TMC4: variants seen among roughly 807,000 people sequenced by gnomAD.
TMC4 encodes voltage-gated chloride channel TMC4.
Under a neutral mutation model 82.0 loss-of-function variants are expected in TMC4, and 70 were observed. The observed-to-expected ratio is 0.85, with a 90% CI of 0.70 to 1.04. The LOEUF (loss-of-function observed/expected upper bound fraction) is 1.04, where lower values mean the gene tolerates loss of function less well. TMC4 is among the 50% of genes least tolerant of loss of function. TMC4 has a pLI of 0.00. For synonymous variants in TMC4, 446 were observed against 406.0 expected (o/e 1.10, Z -1.18); for missense variants, 879 against 899.0 (o/e 0.98, Z 0.28).
chr19:54,169,492 C>A lies in TMC4; in HGVS notation c.442+20G>T. 1.2e-6 allele frequency: 2 copies of A among 1,605,430 alleles called. No individual in the cohort carries two copies. Among genetic ancestry groups the A allele is most frequent in the Non-Finnish European group, 1.7e-6 (2 of 1,177,034 alleles). Reference sequence around the variant, plus strand: ...GAGTCCAGGCCCTGCCCCCAGGACACCACCCAAACCCCACCGCACCCCCGA... The same window carrying A: ...GAGTCCAGGCCCTGCCCCCAGGACAACACCCAAACCCCACCGCACCCCCGA... On this transcript the variant is annotated intron_variant, in intron 3 of 14. Transcript: ENST00000619895.
At position 54,160,994 on chromosome 19, in the gene TMC4, C is replaced by T. The variant is rs2075532710; in HGVS notation, c.1857G>A (p.Gln619=). 1 of 1,614,066 alleles carries T rather than the reference C, an allele frequency of 6.2e-7. No individual in the cohort carries two copies. Among genetic ancestry groups the T allele is most frequent in the Non-Finnish European group, 8.5e-7 (1 of 1,180,038 alleles). Residue 619 remains glutamine (Q), a synonymous_variant, in exon 13 of 15, where the codon CAG becomes CAA. Coordinates refer to ENST00000619895, the MANE Select transcript of TMC4 (RefSeq NM_144686.4). ...CAGGGATCTGGGCCCAGATGGACGA[C>T]TGCCCCCGGAATGGACCACACAGCT... The part of the protein sequence containing the change: ...PSKLCGPFRG[Q]SSIWAQIPES...
Position 54,160,228 on chromosome 19 carries a change from G to C in TMC4, c.*78C>G. ...CTGGAAGGGCGTGGAGTCTTCTCCA[G>C]TTCTCCTAGTTTACAGATGTTGTGA... On this transcript the variant is annotated 3_prime_UTR_variant, in exon 15 of 15. Coordinates refer to ENST00000619895, the MANE Select transcript of TMC4 (RefSeq NM_144686.4). 1 of 1,433,080 alleles carries C rather than the reference G, an allele frequency of 7.0e-7. No homozygotes were observed. Among genetic ancestry groups the C allele is most frequent in the Non-Finnish European group, 9.3e-7 (1 of 1,074,760 alleles). 88.8% of individuals were successfully genotyped at this position (1,433,080 alleles called of 1,614,324 possible).
chr19:54,170,333 C>CA (rs11365348), intron 2 of TMC4, among the ~76,000 whole-genome samples: 2,773 of 117,462 alleles, frequency 0.024, 77 homozygotes, highest in African/African-American at 0.074. Flanking sequence ...AAGACTCTGT[C>CA]AAAAAAAAAA....
At chr19:54,170,728 G>C (rs974093224) in intron 2 of TMC4, among the ~76,000 whole-genome samples, 3 of 151,916 alleles carry the variant, frequency 2.0e-5, no homozygotes, top group Admixed American at 1.3e-4. Context: ...AAACTTCCAG[G>C]CTCAAGCAAT....
At chr19:54,171,114 C>A (rs1023847348) in intron 2 of TMC4, among the ~76,000 whole-genome samples, 1 of 25,532 alleles carries the variant, frequency 3.9e-5, no homozygotes, top group Non-Finnish European at 7.5e-5. Context: ...CATATATATA[C>A]GCATATATAT....
chr19:54,171,339 C>T (rs1600596395), intron 2 of TMC4, among the ~76,000 whole-genome samples: 1 of 152,096 alleles, frequency 6.6e-6, no homozygotes. Context: ...GAACTCCTGA[C>T]CACAGGTGAT....
Position 54,168,631 on chromosome 19 carries a change from C to T in TMC4, c.492G>A (p.Leu164=). 6.3e-7 allele frequency: 1 copy of T among 1,590,334 alleles called. No individual in the cohort carries two copies. Among genetic ancestry groups the T allele is most frequent in the Non-Finnish European group, 8.6e-7 (1 of 1,168,628 alleles). ...CAGAGGCCAGCACGTTAAGAAGGAG[C>T]AGGAAGCGCAGCAGGGAGAAGTAGG... ...TESYFSLLRF[L]LLLNVLASVL... Residue 164 remains leucine (L), a synonymous_variant, in exon 4 of 15, where the codon CTG becomes CTA. Coordinates refer to ENST00000619895, the MANE Select transcript of TMC4 (RefSeq NM_144686.4).
rs201023364 is a variant in TMC4, at chr19:54,168,967, C to CT, written c.443-288dup. Among the ~76,000 whole-genome samples, 6 of 8,692 alleles carry CT rather than the reference C, an allele frequency of 6.9e-4. 2 individuals carry two copies. The highest frequency in any genetic ancestry group is 1.2e-3 in the Non-Finnish European group (6 of 5,116). The allele number at this position is 8,692 out of a possible 152,430, so 5.7% of individuals were successfully genotyped here. On this transcript the variant is annotated intron_variant, in intron 3 of 14. Transcript: ENST00000619895. ...TCCTTCCTTCCTTCCTTCCTTCCTT[C>CT]TTCTTTCTCTCTCTCTCTCTCTCTC...
chr19:54,166,619 CCT>C (rs1419811909), intron 5 of TMC4, among the ~76,000 whole-genome samples: 4 of 152,242 alleles, frequency 2.6e-5, no homozygotes, highest in South Asian at 4.1e-4. Flanking sequence ...ACCGTATTCC[CCT>C]GTTTAAGACC....
At chr19:54,164,793 C>G (rs2075660197) in intron 6 of TMC4, 192 bp from the exon 7 acceptor site, 1 of 715,278 alleles carries the variant, frequency 1.4e-6, no homozygotes, top group Non-Finnish European at 2.2e-6. Context: ...CCCGCCCCTT[C>G]GCGGCCGGAT....
At chr19:54,170,787 G>A (rs1245139569) in intron 2 of TMC4, among the ~76,000 whole-genome samples, 1 of 151,812 alleles carries the variant, frequency 6.6e-6, no homozygotes, top group Non-Finnish European at 1.5e-5. Context: ...TATGGGCCAC[G>A]ACACCCAGCC....
chr19:54,161,131 G>A lies in TMC4; in HGVS notation c.1816C>T (p.Leu606=). The A allele has an allele frequency of 6.3e-7, 1 of 1,585,264 alleles. No individual in the cohort carries two copies. Among genetic ancestry groups the A allele is most frequent in the Non-Finnish European group, 8.6e-7 (1 of 1,167,246 alleles). The change falls in exon 12 of 15, where the codon CTG becomes TTG. Residue 606 remains leucine (L), a splice_region_variant and synonymous_variant. Coordinates refer to ENST00000619895, the MANE Select transcript of TMC4 (RefSeq NM_144686.4). ...SSVPLLYSIF[L]IPPSKLCGPF... ...GAGGCGGGAGCCTCTCGCACTTACA[G>A]GAAGATGCTGTAAAGCAGGGGAACG...
intron 8 of TMC4, 189 bp downstream of exon 8, chr19:54,163,535 T>C (rs1336269677): frequency 1.7e-5 from 12 of 698,836 alleles, no homozygotes. Flanking sequence ...CTCGAACTCC[T>C]GACCTCAGCC....
intron 2 of TMC4, among the ~76,000 whole-genome samples, chr19:54,171,072 CATATATAT>C (rs2075872236): frequency 2.0e-5 from 1 of 50,220 alleles, no homozygotes; most frequent in African/African-American, 8.9e-5. Flanking sequence ...CATATATATA[CATATATAT>C]GTGTATATAT....
chr19:54,172,594 GAAA>G, intron 1 of TMC4: 4 of 302,296 alleles, frequency 1.3e-5, no homozygotes, highest in African/African-American at 2.2e-5. Context: ...CTCAGACCAG[GAAA>G]CCAGGTTCCC....
At chr19:54,160,426 C>T in intron 14 of TMC4, 41 bp downstream of exon 14, 2 of 1,602,918 alleles carry the variant, frequency 1.2e-6, no homozygotes, top group East Asian at 2.2e-5. Context: ...AACCCCTTTC[C>T]ATGTTCCCCA....
chr19:54,161,385 G>A (rs1421246243), intron 11 of TMC4, 125 bp from the exon 12 acceptor site: 2 of 1,129,280 alleles, frequency 1.8e-6, no homozygotes, highest in East Asian at 3.0e-5. Context: ...TTGAGACAGA[G>A]TCTCGCTCTG....
chr19:54,172,097 G>A lies in TMC4; in HGVS notation c.80-14C>T, dbSNP rs774516709. 1 of 1,544,170 alleles carries A rather than the reference G, an allele frequency of 6.5e-7. No homozygotes were observed. Among genetic ancestry groups the A allele is most frequent in the Non-Finnish European group, 8.8e-7 (1 of 1,142,708 alleles). ...ACAGCGATGGGCCTGGGGAGGAGCA[G>A]GGGGCTGGGAAGACCCGGGAGTCTG... On this transcript the variant is annotated splice_polypyrimidine_tract_variant and intron_variant, in intron 1 of 14. Coordinates refer to ENST00000619895, the MANE Select transcript of TMC4 (RefSeq NM_144686.4).
intron 8 of TMC4, among the ~76,000 whole-genome samples, chr19:54,163,460 C>A (rs1159917734): frequency 6.6e-6 from 1 of 151,688 alleles, no homozygotes; most frequent in African/African-American, 2.4e-5. Flanking sequence ...ACAGAAGCCA[C>A]TACCGCCGGG....
Sources: gnomAD v4.1 joint callset for allele counts (sites outside exome capture counted in the v4.1 genomes callset) on GRCh38, gnomAD v4.1.1 for gene constraint, MANE v1.5 for transcripts, NCBI Gene and HGNC (gene_info 2026-07-23, HGNC 2026-07-21) for gene names.